SGCZ: variants seen among roughly 807,000 people sequenced by gnomAD.
SGCZ encodes the protein zeta-sarcoglycan.
SGCZ carries 40 observed loss-of-function variants against 41.3 expected under a neutral mutation model. That is an observed-to-expected ratio of 0.97 (90% CI 0.75 to 1.26). The LOEUF is 1.26. SGCZ is among the 50% of genes most tolerant of loss of function. The pLI, the probability that SGCZ is intolerant of heterozygous loss-of-function variation, is 0.00. For missense variants in SGCZ, 552 were observed against 369.8 expected (o/e 1.49, Z -4.04); for synonymous variants, 206 against 137.5 (o/e 1.50, Z -3.49).
At chr8:14,843,635 C>T (rs187585312) in intron 1 of SGCZ, among the ~76,000 whole-genome samples, 58 of 152,062 alleles carry the variant, frequency 3.8e-4, no homozygotes, top group Admixed American at 3.5e-3. Context: ...TACATGGAGA[C>T]ACATGATTTA....
At chr8:15,022,391 T>C (rs939948814) in intron 1 of SGCZ, among the ~76,000 whole-genome samples, 12 of 152,182 alleles carry the variant, frequency 7.9e-5, no homozygotes, top group Non-Finnish European at 1.8e-4. Flanking sequence ...GTCACCACAC[T>C]GGAGTGCAGT....
At chr8:14,513,998 T>C (rs1802538906) in intron 2 of SGCZ, among the ~76,000 whole-genome samples, 1 of 152,118 alleles carries the variant, frequency 6.6e-6, no homozygotes, top group Non-Finnish European at 1.5e-5. Context: ...TTGCAATATT[T>C]CAGGGGTTTA....
chr8:14,180,232 T>C (rs1804677145), intron 4 of SGCZ, among the ~76,000 whole-genome samples: 1 of 152,172 alleles, frequency 6.6e-6, no homozygotes, highest in East Asian at 1.9e-4. Flanking sequence ...GAAGGCCTCC[T>C]AGCCAAGCCC....
rs146147498 is a variant in SGCZ, at chr8:15,093,005, T to A, written c.39+144580A>T. ...ACATATGACAAATACACGCTTTTAGTATCACACTCCCTAGGGCGTCATTAG... is the reference window on the plus strand; with the variant it reads ...ACATATGACAAATACACGCTTTTAGAATCACACTCCCTAGGGCGTCATTAG... On this transcript the variant is annotated intron_variant, in intron 1 of 7. Coordinates refer to ENST00000382080, the MANE Select transcript of SGCZ (RefSeq NM_139167.4). 7.6e-3 allele frequency among the ~76,000 whole-genome samples: 1,164 copies of A among 152,312 alleles called. 8 individuals carry two copies. The highest frequency in any genetic ancestry group is 8.6e-3 in the Non-Finnish European group (584 of 68,036).
At chr8:15,025,838 C>T (rs73205405) in intron 1 of SGCZ, among the ~76,000 whole-genome samples, 20,712 of 152,000 alleles carry the variant, frequency 0.14, 1,566 homozygotes, top group South Asian at 0.24. Context: ...TAAAGTAATC[C>T]TAAACTGTAA....
chr8:14,185,371 C>G (rs1804869867), intron 4 of SGCZ, among the ~76,000 whole-genome samples: 1 of 152,074 alleles, frequency 6.6e-6, no homozygotes, highest in Admixed American at 6.6e-5. Flanking sequence ...CCACTGCACT[C>G]CAGCCTGGGC....
intron 4 of SGCZ, among the ~76,000 whole-genome samples, chr8:14,172,646 C>T (rs150897208): frequency 4.7e-4 from 71 of 152,076 alleles, no homozygotes; most frequent in Admixed American, 4.2e-3. Context: ...AGAAATACAA[C>T]GTGTACTCCA....
chr8:14,906,254 T>C (rs868669820), intron 1 of SGCZ, among the ~76,000 whole-genome samples: 32 of 152,166 alleles, frequency 2.1e-4, no homozygotes, highest in African/African-American at 7.2e-4. Context: ...GTGGAAAATA[T>C]GAGGATCATA....
intron 5 of SGCZ, among the ~76,000 whole-genome samples, chr8:14,112,546 G>T (rs994551831): frequency 1.3e-5 from 2 of 151,858 alleles, no homozygotes; most frequent in Non-Finnish European, 2.9e-5. Flanking sequence ...AAACTTTTTG[G>T]AAGTCTTCCT....
intron 2 of SGCZ, among the ~76,000 whole-genome samples, chr8:14,417,319 T>A (rs1355014987): frequency 6.6e-6 from 1 of 151,960 alleles, no homozygotes; most frequent in Non-Finnish European, 1.5e-5. Flanking sequence ...CATACATTCA[T>A]TTCTTTATAT....
intron 2 of SGCZ, among the ~76,000 whole-genome samples, chr8:14,507,409 T>A (rs1436422806): frequency 6.6e-6 from 1 of 151,934 alleles, no homozygotes; most frequent in African/African-American, 2.4e-5. Flanking sequence ...TCCACTGAAG[T>A]CTACCTGTAA....
In SGCZ at chr8:14,719,152, T is replaced by C. The variant is rs988297135; in HGVS notation, c.40-164226A>G. 7.2e-4 allele frequency among the ~76,000 whole-genome samples: 108 copies of C among 151,020 alleles called. 1 individual carries two copies. Among genetic ancestry groups the C allele is most frequent in the Admixed American group, 1.8e-3 (27 of 15,146 alleles). On this transcript the variant is annotated intron_variant, in intron 1 of 7. Transcript: ENST00000382080. ...GTTTACTGAGAATGATGATTTCCAGTTTCATCCATGTCCCTACAAAGGACA... is the reference window on the plus strand; with the variant it reads ...GTTTACTGAGAATGATGATTTCCAGCTTCATCCATGTCCCTACAAAGGACA...
intron 1 of SGCZ, among the ~76,000 whole-genome samples, chr8:14,999,941 G>C (rs10088171): frequency 0.35 from 52,620 of 151,990 alleles, 9,451 homozygotes; most frequent in South Asian, 0.38. Context: ...GCCTTCTTCC[G>C]CCTACACCCC....
chr8:14,593,410 G>A (rs1018073790), intron 1 of SGCZ, among the ~76,000 whole-genome samples: 1 of 152,150 alleles, frequency 6.6e-6, no homozygotes, highest in African/African-American at 2.4e-5. Context: ...CTTGATTTTA[G>A]ATGTCTGATC....
At chr8:14,972,849 A>T (rs149193458) in intron 1 of SGCZ, among the ~76,000 whole-genome samples, 1 of 152,202 alleles carries the variant, frequency 6.6e-6, no homozygotes, top group Non-Finnish European at 1.5e-5. Context: ...TCTACTCTAC[A>T]TTACTAACAC....
At position 14,322,697 on chromosome 8, in the gene SGCZ, C is replaced by T. The variant is rs556867204; in HGVS notation, c.336+1406G>A. On this transcript the variant is annotated intron_variant, in intron 3 of 7. Coordinates refer to ENST00000382080, the MANE Select transcript of SGCZ (RefSeq NM_139167.4). ...GTCCCTGGACTTATCAGTAAGGAGG[C>T]ATTTTCAGAGAAGTTTTGGCCTATG... Among the ~76,000 whole-genome samples the T allele has an allele frequency of 2.6e-5, 4 of 152,198 alleles. No homozygotes were observed. In the East Asian group the frequency reaches 7.7e-4, roughly 29 times the overall value.
intron 1 of SGCZ, among the ~76,000 whole-genome samples, chr8:14,612,608 T>C (rs1013543196): frequency 6.6e-6 from 1 of 152,186 alleles, no homozygotes; most frequent in Non-Finnish European, 1.5e-5. Flanking sequence ...TTGAAAGAAT[T>C]CAGATATTTT....
intron 4 of SGCZ, among the ~76,000 whole-genome samples, chr8:14,225,457 C>G (rs903668335): frequency 6.8e-6 from 1 of 147,458 alleles, no homozygotes; most frequent in African/African-American, 2.4e-5. Context: ...GATAAATGAC[C>G]ACTTAGTGTT....
chr8:14,559,285 T>A (rs548533434), intron 1 of SGCZ, among the ~76,000 whole-genome samples: 1 of 152,180 alleles, frequency 6.6e-6, no homozygotes, highest in East Asian at 1.9e-4. Flanking sequence ...AGCAAAGTTT[T>A]AGGATACAAA....
Sources: allele counts gnomAD v4.1 joint callset (sites outside exome capture counted in the v4.1 genomes callset), GRCh38; gene constraint gnomAD v4.1.1; transcripts MANE v1.5; gene names NCBI Gene and HGNC (gene_info 2026-07-23, HGNC 2026-07-21).